THSD4: variants seen among roughly 807,000 people sequenced by gnomAD.
THSD4 encodes thrombospondin type 1 domain containing 4, also known as thrombospondin type-1 domain-containing protein 4.
THSD4 carries 69 observed loss-of-function variants against 119.0 expected under a neutral mutation model. The ratio of observed to expected loss-of-function variants is 0.58; its 90% CI spans 0.48 to 0.71. THSD4 has a LOEUF of 0.71. THSD4 is among the 30% of genes least tolerant of loss of function. The pLI is 0.00. For missense variants in THSD4, 1,393 were observed against 1,391.1 expected, an observed-to-expected ratio of 1.00 and a Z score of -0.02; for synonymous variants, 524 against 540.4, an observed-to-expected ratio of 0.97 and a Z score of 0.42.
At chr15:71,513,235 A>G (rs1174313670) in intron 7 of THSD4, among the ~76,000 whole-genome samples, 1 of 152,206 alleles carries the variant, frequency 6.6e-6, no homozygotes, top group Non-Finnish European at 1.5e-5. Flanking sequence ...CCTCAGTTTT[A>G]CTGTTCCTTG....
intron 3 of THSD4, among the ~76,000 whole-genome samples, chr15:71,169,550 A>G (rs1040965819): frequency 1.3e-5 from 2 of 152,240 alleles, no homozygotes; most frequent in Non-Finnish European, 2.9e-5. Context: ...GAATGGAGAA[A>G]TACATTATAG....
At chr15:71,436,144 T>C (rs1429760065) in intron 7 of THSD4, among the ~76,000 whole-genome samples, 3 of 152,086 alleles carry the variant, frequency 2.0e-5, no homozygotes, top group African/African-American at 7.2e-5. Context: ...TTGTCTTAAA[T>C]AGATGCGGGT....
intron 6 of THSD4, among the ~76,000 whole-genome samples, chr15:71,332,233 T>C (rs937954024): frequency 1.3e-5 from 2 of 152,232 alleles, no homozygotes; most frequent in African/African-American, 2.4e-5. Flanking sequence ...GCTACAGTGA[T>C]GGATTTCAGA....
rs140617010 is a variant in THSD4, at chr15:71,455,667, G to T, written c.1152+43844G>T. Reference sequence around the variant, plus strand: ...CCAGGCCTAGTGTGAAAGTGAATTTGTGGATGTAATCCGTTCCAGATGAAC... The same window carrying T: ...CCAGGCCTAGTGTGAAAGTGAATTTTTGGATGTAATCCGTTCCAGATGAAC... On this transcript the variant is annotated intron_variant, in intron 7 of 17. Coordinates refer to ENST00000261862, the MANE Select transcript of THSD4 (RefSeq NM_024817.3). Among the ~76,000 whole-genome samples, 95 of 152,286 alleles carry T rather than the reference G, an allele frequency of 6.2e-4. No individual in the cohort carries two copies. In the East Asian group the frequency reaches 0.014, roughly 22 times the overall value.
chr15:71,764,993 C>G, intron 15 of THSD4, 27 bp from the exon 16 acceptor site: 2 of 1,602,362 alleles, frequency 1.2e-6, no homozygotes, highest in Non-Finnish European at 1.7e-6. Context: ...TCATGTGACA[C>G]TCATCTTTTT....
At chr15:71,268,723 AC>A (rs1287846159) in intron 6 of THSD4, among the ~76,000 whole-genome samples, 1 of 151,400 alleles carries the variant, frequency 6.6e-6, no homozygotes, top group Non-Finnish European at 1.5e-5. Context: ...AGCTAGCCAG[AC>A]TAATAAAGAA....
chr15:71,638,827 C>T (rs557142880), intron 7 of THSD4, among the ~76,000 whole-genome samples: 13 of 152,168 alleles, frequency 8.5e-5, no homozygotes, highest in Admixed American at 1.3e-4. Context: ...ACTGTAATGA[C>T]AAAATATCAG....
intron 8 of THSD4, among the ~76,000 whole-genome samples, chr15:71,669,828 G>A (rs1319713392): frequency 6.6e-6 from 1 of 152,222 alleles, no homozygotes; most frequent in African/African-American, 2.4e-5. Context: ...GCAGGGGTCA[G>A]ACAGGCAGAC....
intron 7 of THSD4, among the ~76,000 whole-genome samples, chr15:71,599,730 T>G (rs113022611): frequency 0.014 from 2,078 of 152,272 alleles, 29 homozygotes; most frequent in Non-Finnish European, 0.019. Flanking sequence ...GCTCAGCCGC[T>G]CCAGTGGACT....
intron 7 of THSD4, among the ~76,000 whole-genome samples, chr15:71,521,933 G>A (rs2048447291): frequency 6.6e-6 from 1 of 152,156 alleles, no homozygotes; most frequent in Non-Finnish European, 1.5e-5. Context: ...GGTGGTGAGG[G>A]GCAAATACAG....
rs145103652 is a variant in THSD4 at position 71,686,908 on chromosome 15, G to A, written c.1357+26174G>A. On this transcript the variant is annotated intron_variant, in intron 8 of 17. Coordinates refer to ENST00000261862, the MANE Select transcript of THSD4 (RefSeq NM_024817.3). ...GCTCAGAGACTGTGTTTTGGTGACCGCCACACTAAATGAATTCCTGGCAGG... is the reference window on the plus strand; with the variant it reads ...GCTCAGAGACTGTGTTTTGGTGACCACCACACTAAATGAATTCCTGGCAGG... Among the ~76,000 whole-genome samples, 704 of 152,230 alleles carry A rather than the reference G, an allele frequency of 4.6e-3. 14 individuals carry two copies. Among genetic ancestry groups the A allele is most frequent in the Admixed American group, 0.039 (601 of 15,284 alleles).
In THSD4 at chr15:71,660,771, C is replaced by A. The variant is rs534007780; in HGVS notation, c.1357+37C>A. On this transcript the variant is annotated intron_variant, in intron 8 of 17. Coordinates refer to ENST00000261862, the MANE Select transcript of THSD4 (RefSeq NM_024817.3). ...CTTTTTCCAGAGAAAACCGTCTGTC[C>A]CTGCCAGATGATGTATTCCTTCAGA... The A allele has an allele frequency of 3.1e-6, 5 of 1,609,314 alleles. No homozygotes were observed. The East Asian group carries it at 8.9e-5, about 29-fold the overall frequency.
At chr15:71,642,639 C>T (rs560211347) in intron 7 of THSD4, among the ~76,000 whole-genome samples, 14 of 152,256 alleles carry the variant, frequency 9.2e-5, no homozygotes, top group South Asian at 4.1e-4. Flanking sequence ...GATGAGTTCA[C>T]GTCCTTTGTA....
intron 6 of THSD4, among the ~76,000 whole-genome samples, chr15:71,359,830 T>C (rs2045868604): frequency 6.7e-6 from 1 of 150,356 alleles, no homozygotes; most frequent in South Asian, 2.1e-4. Context: ...AGCAAGACCC[T>C]GTCTCAAAAA....
At chr15:71,729,355 T>A (rs2052928141) in intron 9 of THSD4, 1 of 152,386 alleles carries the variant, frequency 6.6e-6, no homozygotes, top group African/African-American at 2.4e-5. Context: ...GAATTCAATC[T>A]TCTTAAAAGA....
At chr15:71,296,324 G>C (rs2044862801) in intron 6 of THSD4, among the ~76,000 whole-genome samples, 7 of 152,124 alleles carry the variant, frequency 4.6e-5, no homozygotes, top group Admixed American at 4.6e-4. Flanking sequence ...TGTCATTTCT[G>C]TGCCCTACCC....
chr15:71,506,751 A>G (rs1328279933), intron 7 of THSD4, among the ~76,000 whole-genome samples: 2 of 152,208 alleles, frequency 1.3e-5, no homozygotes, highest in Non-Finnish European at 2.9e-5. Flanking sequence ...AACTGGCCCA[A>G]GGCTACTGCC....
At chr15:71,281,544 T>C (rs932902691) in intron 6 of THSD4, among the ~76,000 whole-genome samples, 4 of 152,250 alleles carry the variant, frequency 2.6e-5, no homozygotes, top group African/African-American at 9.6e-5. Context: ...AGATAAATTA[T>C]TGAATGACTA....
rs139797989 is a variant in THSD4 at position 71,697,716 on chromosome 15, G to A, written c.1358-30833G>A. 3.5e-3 allele frequency among the ~76,000 whole-genome samples: 530 copies of A among 152,326 alleles called. 2 individuals carry two copies. Among genetic ancestry groups the A allele is most frequent in the Middle Eastern group, 0.017 (5 of 294 alleles). ...TTTGGTAACACTGATTAACATTTAG[G>A]ATTTTGAAAATTTATGGTGTTTGCA... On this transcript the variant is annotated intron_variant, in intron 8 of 17. Coordinates refer to ENST00000261862, the MANE Select transcript of THSD4 (RefSeq NM_024817.3).
Sources: allele counts gnomAD v4.1 joint callset (sites outside exome capture counted in the v4.1 genomes callset), GRCh38; gene constraint gnomAD v4.1.1; transcripts MANE v1.5; gene names NCBI Gene and HGNC (gene_info 2026-07-23, HGNC 2026-07-21).